The following CSE1L variants were observed in gnomAD, a reference collection of about 807,000 sequenced individuals.
CSE1L encodes the protein chromosome segregation 1 like.
CSE1L carries 24 observed loss-of-function variants against 120.4 expected under a neutral mutation model. That is an observed-to-expected ratio of 0.20 (90% CI 0.14 to 0.28). The LOEUF (loss-of-function observed/expected upper bound fraction) is 0.28. Among genes scored for constraint, CSE1L ranks in the 10% least tolerant of loss-of-function variants. The pLI is 1.00. For missense variants in CSE1L, 830 were observed against 1,145.2 expected (o/e 0.72, Z 3.97); for synonymous variants, 402 against 398.3 (o/e 1.01, Z -0.11).
intron 14 of CSE1L, among the ~76,000 whole-genome samples, chr20:49,082,845 G>A (rs1324699452): frequency 6.6e-6 from 1 of 151,576 alleles, no homozygotes; most frequent in East Asian, 1.9e-4. Context: ...TTGAGAATGA[G>A]GTCTTGCTCT....
chr20:49,090,815 A>G lies in CSE1L; in HGVS notation c.2255A>G (p.Asn752Ser). The change falls in exon 20 of 25, where the codon AAC (asparagine) becomes AGC (serine). Residue 752 changes from asparagine (N) to serine (S), a missense_variant. Transcript: ENST00000262982. ...GACCACCAAGGTTTTTATCTTCTAA[A>G]CAGTATAATAGAGCACATGCCTCCG... is the stretch of plus-strand genomic sequence containing the variant. ...ANDHQGFYLLNSIIEHMPPES... is the reference protein window; with the variant it reads ...ANDHQGFYLLSSIIEHMPPES... 1 of 1,613,938 alleles carries G rather than the reference A, an allele frequency of 6.2e-7. No individual in the cohort carries two copies. Among genetic ancestry groups the G allele is most frequent in the Non-Finnish European group, 8.5e-7 (1 of 1,179,900 alleles).
intron 14 of CSE1L, among the ~76,000 whole-genome samples, chr20:49,082,038 G>C (rs539552182): frequency 1.1e-4 from 16 of 151,794 alleles, no homozygotes; most frequent in African/African-American, 3.6e-4. Flanking sequence ...CTTTTCTTAC[G>C]CTTTCACTAC....
At chr20:49,086,305 C>CT (rs1221660782) in intron 16 of CSE1L, among the ~76,000 whole-genome samples, 1 of 150,504 alleles carries the variant, frequency 6.6e-6, no homozygotes, top group African/African-American at 2.5e-5. Context: ...GTTTCCAACA[C>CT]TATCCTTCCC....
rs184958885 is a variant in CSE1L at position 49,072,184 on chromosome 20, G to A, written c.769-102G>A. The A allele has an allele frequency of 9.3e-5, 115 of 1,232,498 alleles. No individual in the cohort carries two copies. In the African/African-American group the frequency reaches 1.6e-3, roughly 17 times the overall value. 76.3% of individuals were successfully genotyped at this position (1,232,498 alleles called of 1,614,324 possible). A position where few individuals can be genotyped will look rare whatever the true frequency, so the allele number is the denominator to read the frequency against. ...AGTTTACAATAACTGATTTGATTTG[G>A]ATTTAATTGATAAAGAGTCTAGTTC... is the stretch of plus-strand genomic sequence containing the variant. On this transcript the variant is annotated intron_variant, in intron 8 of 24. Coordinates refer to ENST00000262982, the MANE Select transcript of CSE1L (RefSeq NM_001316.4).
intron 13 of CSE1L, 150 bp from the exon 14 acceptor site, chr20:49,078,411 A>G: frequency 1.8e-6 from 1 of 541,524 alleles, no homozygotes; most frequent in Non-Finnish European, 3.2e-6. Flanking sequence ...TCCTACCAAA[A>G]TTAATGACTA....
intron 24 of CSE1L, 53 bp downstream of exon 24, chr20:49,095,016 CAAAAGGA>C: frequency 7.3e-7 from 1 of 1,371,532 alleles, no homozygotes; most frequent in East Asian, 2.3e-5. Flanking sequence ...AATGGGAGGG[CAAAAGGA>C]TAGTAGTAGT....
intron 11 of CSE1L, 31 bp from the exon 12 acceptor site, chr20:49,075,287 C>A (rs779579515): frequency 6.6e-7 from 1 of 1,518,126 alleles, no homozygotes; most frequent in Admixed American, 1.8e-5. Context: ...TGTTTTTTTT[C>A]CCCATAATAT....
chr20:49,054,323 T>A (rs1270798512), intron 1 of CSE1L, among the ~76,000 whole-genome samples: 1 of 152,216 alleles, frequency 6.6e-6, no homozygotes, highest in Non-Finnish European at 1.5e-5. Flanking sequence ...GTGCCCTGCA[T>A]AAGCACAGCA....
intron 6 of CSE1L, 64 bp from the exon 7 acceptor site, chr20:49,068,651 T>A: frequency 9.7e-7 from 1 of 1,028,826 alleles, no homozygotes; most frequent in Middle Eastern, 2.1e-4. Flanking sequence ...CAAGGCTGTT[T>A]CACTAAGATC....
chr20:49,091,533 C>T (rs903235471), intron 21 of CSE1L, among the ~76,000 whole-genome samples: 4 of 147,870 alleles, frequency 2.7e-5, no homozygotes, highest in African/African-American at 1.0e-4. Flanking sequence ...CAGGAGTTAA[C>T]GACCAGCCTG....
In CSE1L at chr20:49,088,037, A is replaced by G; in HGVS notation, c.1752A>G (p.Gln584=). 6.2e-7 allele frequency: 1 copy of G among 1,610,998 alleles called. No homozygotes were observed. Among genetic ancestry groups the G allele is most frequent in the Non-Finnish European group, 8.5e-7 (1 of 1,178,632 alleles). ...KAIMRSFSLL[Q]EAIIPYIPTL... ...TCATGAGAAGTTTTTCTCTCCTACA[A>G]GAAGCCATAATCCCCTACATCCCTA... is the stretch of plus-strand genomic sequence containing the variant. The change falls in exon 17 of 25, where the codon CAA becomes CAG. Residue 584 remains glutamine (Q), a synonymous_variant. Coordinates refer to ENST00000262982, the MANE Select transcript of CSE1L (RefSeq NM_001316.4).
At chr20:49,075,700 T>C (rs751355077) in intron 12 of CSE1L, among the ~76,000 whole-genome samples, 180 bp downstream of exon 12, 4 of 152,254 alleles carry the variant, frequency 2.6e-5, no homozygotes, top group Admixed American at 6.5e-5. Context: ...AAGTTTCTTA[T>C]AGACCAGAAA....
chr20:49,074,910 C>A, intron 11 of CSE1L, 60 bp downstream of exon 11: 1 of 1,266,718 alleles, frequency 7.9e-7, no homozygotes, highest in South Asian at 1.3e-5. Flanking sequence ...AGGTGGTTCT[C>A]TTTCTAGTAA....
chr20:49,072,740 GTGTT>G (rs1194545068), intron 10 of CSE1L, 43 bp downstream of exon 10: 2 of 1,530,766 alleles, frequency 1.3e-6, no homozygotes, highest in Non-Finnish European at 1.8e-6. Context: ...TACTAAGTCT[GTGTT>G]TGTTTTTTGT....
chr20:49,075,297 T>C (rs557935751), intron 11 of CSE1L, 21 bp from the exon 12 acceptor site: 1 of 1,580,846 alleles, frequency 6.3e-7, no homozygotes, highest in Non-Finnish European at 8.7e-7. Flanking sequence ...CCCCATAATA[T>C]ATTTTCTTTT....
At chr20:49,069,704 G>A (rs1600605646) in intron 7 of CSE1L, among the ~76,000 whole-genome samples, 1 of 152,218 alleles carries the variant, frequency 6.6e-6, no homozygotes, top group Non-Finnish European at 1.5e-5. Context: ...GAGAAGTCAG[G>A]TTTAATGAAG....
chr20:49,089,226 G>T (rs1037710775), intron 17 of CSE1L, 21 bp from the exon 18 acceptor site: 14 of 1,321,976 alleles, frequency 1.1e-5, no homozygotes, highest in East Asian at 2.8e-5. Flanking sequence ...GCATAATTAG[G>T]TTTTTTTTTT....
In CSE1L at chr20:49,072,736, G is replaced by A. The variant is rs189767422; in HGVS notation, c.1066+39G>A. 362 of 1,534,834 alleles carry A rather than the reference G, an allele frequency of 2.4e-4. 1 individual carries two copies. Among genetic ancestry groups the A allele is most frequent in the Non-Finnish European group, 2.2e-4 (251 of 1,137,828 alleles). ...AAGTATATTAGTATAAATCTACTAA[G>A]TCTGTGTTTGTTTTTTGTAACATAT... On this transcript the variant is annotated intron_variant, in intron 10 of 24. Coordinates refer to ENST00000262982, the MANE Select transcript of CSE1L (RefSeq NM_001316.4).
intron 1 of CSE1L, among the ~76,000 whole-genome samples, chr20:49,047,482 G>T (rs554188737): frequency 3.3e-5 from 5 of 150,748 alleles, no homozygotes; most frequent in African/African-American, 1.2e-4. Context: ...AAGGCAGGCC[G>T]CCTCTCCCAA....
Sources: allele counts gnomAD v4.1 joint callset (sites outside exome capture counted in the v4.1 genomes callset), GRCh38; gene constraint gnomAD v4.1.1; transcripts MANE v1.5; gene names NCBI Gene and HGNC (gene_info 2026-07-23, HGNC 2026-07-21).